RBFOX1: variants seen among roughly 807,000 people sequenced by gnomAD.
The protein encoded by RBFOX1 is RNA binding protein fox-1 homolog 1.
In RBFOX1, 8 loss-of-function variants were observed where a neutral mutation model predicts 57.7. The ratio of observed to expected loss-of-function variants is 0.14; its 90% CI spans 0.08 to 0.25. The LOEUF (loss-of-function observed/expected upper bound fraction) is 0.25, where lower values mean the gene tolerates loss of function less well. Ranked by LOEUF, RBFOX1 falls within the 10% of genes least tolerant of loss-of-function variation. The probability of loss-of-function intolerance (pLI) is 1.00; values close to 1 mark genes in which losing one functional copy is unlikely to be tolerated. For missense variants in RBFOX1, 611 were observed against 548.5 expected (o/e 1.11, Z -1.14); for synonymous variants, 326 against 222.4 (o/e 1.47, Z -4.15).
chr16:7,705,752 G>GA (rs944758921), intron 14 of RBFOX1, among the ~76,000 whole-genome samples: 38 of 152,100 alleles, frequency 2.5e-4, no homozygotes, highest in Admixed American at 1.3e-3. Context: ...AGCAAGAGTT[G>GA]AAAAAATGAG....
chr16:5,459,603 C>T (rs2068730732), intron 1 of RBFOX1, among the ~76,000 whole-genome samples: 1 of 152,046 alleles, frequency 6.6e-6, no homozygotes, highest in African/African-American at 2.4e-5. Context: ...CCCAATTTTT[C>T]CTTCCCCCAC....
intron 4 of RBFOX1, among the ~76,000 whole-genome samples, chr16:7,380,572 A>G (rs1223058164): frequency 6.6e-6 from 1 of 152,192 alleles, no homozygotes; most frequent in African/African-American, 2.4e-5. Context: ...TGTATTTAAA[A>G]AACAAAACAA....
intron 1 of RBFOX1, among the ~76,000 whole-genome samples, chr16:5,455,500 C>A (rs966785035): frequency 6.6e-6 from 1 of 152,166 alleles, no homozygotes; most frequent in Non-Finnish European, 1.5e-5. Context: ...TTCAAAACCA[C>A]CCCAAGGAGG....
In RBFOX1 at chr16:7,708,946, G is replaced by C. The variant is rs2270127; in HGVS notation, c.996-110G>C. On this transcript the variant is annotated intron_variant, in intron 14 of 15. Transcript: ENST00000550418. ...AGCAGAGTAGAATTTGCTTCTCACTGGAAGATGAGTAGGGCCCCTGCATAC... is the reference window on the plus strand; with the variant it reads ...AGCAGAGTAGAATTTGCTTCTCACTCGAAGATGAGTAGGGCCCCTGCATAC... 255,076 of 941,498 alleles carry C rather than the reference G, an allele frequency of 0.27. 36,123 individuals carry two copies. The highest frequency in any genetic ancestry group is 0.49 in the East Asian group (19,533 of 40,096). 58.3% of individuals were successfully genotyped at this position (941,498 alleles called of 1,614,324 possible).
At chr16:6,509,772 A>T (rs1354450487) in intron 2 of RBFOX1, among the ~76,000 whole-genome samples, 1 of 152,196 alleles carries the variant, frequency 6.6e-6, no homozygotes, top group Non-Finnish European at 1.5e-5. Context: ...AGCATTGCAG[A>T]TCTGTACCAA....
chr16:6,998,492 C>T (rs781680121), intron 3 of RBFOX1, among the ~76,000 whole-genome samples: 1 of 152,148 alleles, frequency 6.6e-6, no homozygotes, highest in Non-Finnish European at 1.5e-5. Context: ...TGTCAGAGCT[C>T]TTGGCAATGA....
intron 3 of RBFOX1, among the ~76,000 whole-genome samples, chr16:6,982,775 C>T (rs1015374449): frequency 1.3e-5 from 2 of 152,050 alleles, no homozygotes; most frequent in Non-Finnish European, 2.9e-5. Flanking sequence ...GGTGGATCAC[C>T]TGAGGTCAGG....
At chr16:7,103,217 A>G (rs1395300972) in intron 4 of RBFOX1, among the ~76,000 whole-genome samples, 4 of 152,164 alleles carry the variant, frequency 2.6e-5, no homozygotes, top group South Asian at 4.1e-4. Flanking sequence ...TAAAAAACCA[A>G]TGACCTCATT....
chr16:6,155,581 C>T (rs567059933), intron 1 of RBFOX1, among the ~76,000 whole-genome samples: 3 of 152,312 alleles, frequency 2.0e-5, no homozygotes, highest in Admixed American at 6.5e-5. Context: ...AAGGCATTGC[C>T]GTCTGCTGGC....
intron 3 of RBFOX1, among the ~76,000 whole-genome samples, chr16:6,805,974 T>C (rs2086675644): frequency 6.6e-6 from 1 of 152,126 alleles, no homozygotes; most frequent in Admixed American, 6.6e-5. Context: ...AAAGGAGGAG[T>C]TACCTTTTGT....
At chr16:5,849,341 A>G (rs956080430) in intron 3 of RBFOX1, among the ~76,000 whole-genome samples, 3 of 152,014 alleles carry the variant, frequency 2.0e-5, no homozygotes. Flanking sequence ...CAAACAGGAG[A>G]CTTGAGGTTA....
intron 4 of RBFOX1, among the ~76,000 whole-genome samples, chr16:5,986,184 C>G (rs1008810445): frequency 2.6e-5 from 4 of 152,014 alleles, no homozygotes; most frequent in African/African-American, 9.7e-5. Context: ...CTGCCTCAGC[C>G]TCCCAGGTAG....
chr16:5,862,041 G>A (rs971351198), intron 3 of RBFOX1, among the ~76,000 whole-genome samples: 2 of 152,126 alleles, frequency 1.3e-5, no homozygotes, highest in Non-Finnish European at 2.9e-5. Context: ...GTGTCTGGCC[G>A]AGGTGTCCTT....
chr16:5,699,396 G>C (rs1351255606), intron 3 of RBFOX1, among the ~76,000 whole-genome samples: 1 of 148,576 alleles, frequency 6.7e-6, no homozygotes, highest in Admixed American at 6.7e-5. Flanking sequence ...TCCTGCTCTT[G>C]GGTCAATAAA....
intron 11 of RBFOX1, among the ~76,000 whole-genome samples, chr16:7,632,472 G>C (rs1326099026): frequency 6.6e-6 from 1 of 152,180 alleles, no homozygotes; most frequent in Non-Finnish European, 1.5e-5. Context: ...CACAATGTTT[G>C]CTTTACAACT....
chr16:7,520,723 G>A (rs1341724669), intron 5 of RBFOX1, among the ~76,000 whole-genome samples: 1 of 152,170 alleles, frequency 6.6e-6, no homozygotes, highest in East Asian at 1.9e-4. Context: ...CTTTTGCGCT[G>A]ACTACCAGGT....
chr16:6,412,348 T>A (rs2093485621), intron 2 of RBFOX1, among the ~76,000 whole-genome samples: 1 of 152,170 alleles, frequency 6.6e-6, no homozygotes, highest in Non-Finnish European at 1.5e-5. Context: ...GTAGATTTCC[T>A]CTGGTCAACT....
intron 4 of RBFOX1, among the ~76,000 whole-genome samples, chr16:7,465,737 C>A (rs112725134): frequency 1.3e-5 from 2 of 152,162 alleles, no homozygotes; most frequent in Non-Finnish European, 2.9e-5. Flanking sequence ...TTGTGGGTCC[C>A]TCTTCAAGCC....
intron 2 of RBFOX1, among the ~76,000 whole-genome samples, chr16:6,618,634 T>G (rs1789147998): frequency 6.6e-6 from 1 of 152,184 alleles, no homozygotes; most frequent in Admixed American, 6.5e-5. Context: ...CAAGGTTACG[T>G]GGCTAGTGCG....
Sources: allele counts gnomAD v4.1 joint callset (sites outside exome capture counted in the v4.1 genomes callset), GRCh38; gene constraint gnomAD v4.1.1; transcripts MANE v1.5; gene names NCBI Gene and HGNC (gene_info 2026-07-23, HGNC 2026-07-21).